The following PRKCA variants were observed in gnomAD, a reference collection of about 807,000 sequenced individuals.
PRKCA encodes protein kinase C alpha.
A neutral mutation model predicts 87.0 loss-of-function variants in PRKCA; 27 were observed. That is an observed-to-expected ratio of 0.31 (90% CI 0.23 to 0.43). PRKCA has a LOEUF of 0.43. Ranked by LOEUF, PRKCA falls within the 20% of genes least tolerant of loss-of-function variation. The probability of loss-of-function intolerance (pLI) is 1.00; values close to 1 mark genes in which losing one functional copy is unlikely to be tolerated. For missense variants in PRKCA, 518 were observed against 852.3 expected (o/e 0.61, Z 4.88); for synonymous variants, 329 against 311.1 (o/e 1.06, Z -0.61).
intron 2 of PRKCA, among the ~76,000 whole-genome samples, chr17:66,491,634 AC>A (rs530928227): frequency 3.9e-5 from 6 of 152,306 alleles, no homozygotes; most frequent in Admixed American, 2.6e-4. Flanking sequence ...AAGACAAAAA[AC>A]AATAGCTCCT....
chr17:66,546,026 C>T (rs1382772912), intron 3 of PRKCA, among the ~76,000 whole-genome samples: 1 of 152,152 alleles, frequency 6.6e-6, no homozygotes, highest in Non-Finnish European at 1.5e-5. Flanking sequence ...TTTTACTTTT[C>T]ATATATCTGT....
chr17:66,655,155 A>C (rs1971701422), intron 5 of PRKCA, among the ~76,000 whole-genome samples: 1 of 152,230 alleles, frequency 6.6e-6, no homozygotes, highest in South Asian at 2.1e-4. Flanking sequence ...ACCAGAAGAA[A>C]GCCTGCACAT....
In PRKCA at chr17:66,345,215, G is replaced by A. The variant is rs557173952; in HGVS notation, c.205+39088G>A. 1.2e-3 allele frequency among the ~76,000 whole-genome samples: 177 copies of A among 152,164 alleles called. 6 individuals carry two copies. The South Asian group carries it at 0.035, about 30-fold the overall frequency. The stretch of plus-strand genomic sequence containing the variant: ...AGAATTGTTATCAATTCACACATTT[G>A]AGATTTATATGTTACCACCATTACT... On this transcript the variant is annotated intron_variant, in intron 2 of 16. Coordinates refer to ENST00000413366, the MANE Select transcript of PRKCA (RefSeq NM_002737.3).
intron 8 of PRKCA, among the ~76,000 whole-genome samples, chr17:66,731,952 G>C (rs543958738): frequency 1.3e-5 from 2 of 150,830 alleles, no homozygotes; most frequent in African/African-American, 4.9e-5. Context: ...ACCATGCCCA[G>C]CTGATTTTTG....
chr17:66,751,516 A>T (rs1453312926), intron 13 of PRKCA, among the ~76,000 whole-genome samples: 1 of 152,208 alleles, frequency 6.6e-6, no homozygotes, highest in Non-Finnish European at 1.5e-5. Flanking sequence ...AAAATCTTTT[A>T]ATCCAGCTAA....
intron 2 of PRKCA, among the ~76,000 whole-genome samples, chr17:66,426,112 T>A (rs1277840144): frequency 3.3e-5 from 5 of 152,120 alleles, no homozygotes; most frequent in Admixed American, 1.3e-4. Flanking sequence ...AGTGTCATTA[T>A]TTGCAGGAAC....
At chr17:66,377,560 A>G (rs2093260971) in intron 2 of PRKCA, among the ~76,000 whole-genome samples, 1 of 147,390 alleles carries the variant, frequency 6.8e-6, no homozygotes, top group Non-Finnish European at 1.5e-5. Context: ...TAATGCCTAT[A>G]TTACATATAT....
chr17:66,303,258 C>T (rs1386745839), intron 1 of PRKCA, among the ~76,000 whole-genome samples: 1 of 152,130 alleles, frequency 6.6e-6, no homozygotes, highest in Non-Finnish European at 1.5e-5. Flanking sequence ...GGAGGCTGGC[C>T]CCGTACGGTG....
chr17:66,385,413 A>T (rs547568134), intron 2 of PRKCA, among the ~76,000 whole-genome samples: 13 of 152,198 alleles, frequency 8.5e-5, no homozygotes, highest in Non-Finnish European at 1.5e-4. Flanking sequence ...TCATCCACAC[A>T]TAGATGTGGG....
At chr17:66,470,209 T>C (rs1915261433) in intron 2 of PRKCA, among the ~76,000 whole-genome samples, 1 of 145,254 alleles carries the variant, frequency 6.9e-6, no homozygotes, top group Admixed American at 6.8e-5. Context: ...TTTTTTTTTT[T>C]TTTAAAAGAC....
At chr17:66,692,493 C>T (rs1026306360) in intron 8 of PRKCA, among the ~76,000 whole-genome samples, 4 of 152,162 alleles carry the variant, frequency 2.6e-5, no homozygotes, top group Non-Finnish European at 5.9e-5. Flanking sequence ...AAGACTTCCC[C>T]AGTGCCAAGT....
At chr17:66,438,099 G>A (rs1394151742) in intron 2 of PRKCA, among the ~76,000 whole-genome samples, 1 of 152,088 alleles carries the variant, frequency 6.6e-6, no homozygotes, top group Non-Finnish European at 1.5e-5. Context: ...CAGGGCTCAG[G>A]CAGCAGAAGA....
chr17:66,469,770 G>A (rs142720919), intron 2 of PRKCA, among the ~76,000 whole-genome samples: 97 of 152,258 alleles, frequency 6.4e-4, no homozygotes, highest in African/African-American at 2.3e-3. Context: ...CAATCAATTG[G>A]GTTAAGTCTC....
intron 3 of PRKCA, among the ~76,000 whole-genome samples, chr17:66,512,488 G>GTGTGT (rs1491168828): frequency 5.2e-5 from 2 of 38,312 alleles, no homozygotes; most frequent in Non-Finnish European, 9.5e-5. Flanking sequence ...GTGTGTGTGT[G>GTGTGT]TGTATTTCTT....
rs1240102753 is a variant in PRKCA at position 66,581,571 on chromosome 17, G to T, written c.289-59784G>T. 2.0e-5 allele frequency among the ~76,000 whole-genome samples: 3 copies of T among 152,254 alleles called. No individual in the cohort carries two copies. In the South Asian group the frequency reaches 6.2e-4, roughly 32 times the overall value. On this transcript the variant is annotated intron_variant, in intron 3 of 16. Coordinates refer to ENST00000413366, the MANE Select transcript of PRKCA (RefSeq NM_002737.3). Reference sequence around the variant, plus strand: ...GCTCACTGCACCCTCTGCCTCCTGGGTTCATGCCATTCTCCTGCCTCAGCC... The same window carrying T: ...GCTCACTGCACCCTCTGCCTCCTGGTTTCATGCCATTCTCCTGCCTCAGCC...
chr17:66,578,452 C>T (rs941566731), intron 3 of PRKCA, among the ~76,000 whole-genome samples: 3 of 152,160 alleles, frequency 2.0e-5, no homozygotes, highest in African/African-American at 7.2e-5. Flanking sequence ...CTGAAAATTA[C>T]AATGGTTCAA....
intron 4 of PRKCA, among the ~76,000 whole-genome samples, chr17:66,644,758 A>G (rs1971406606): frequency 6.6e-6 from 1 of 152,190 alleles, no homozygotes; most frequent in African/African-American, 2.4e-5. Context: ...TGAATTTTCT[A>G]TACTCAATCC....
chr17:66,716,714 A>G (rs16960110), intron 8 of PRKCA, among the ~76,000 whole-genome samples: 24,370 of 152,128 alleles, frequency 0.16, 2,080 homozygotes, highest in East Asian at 0.27. Flanking sequence ...CCGGGATACT[A>G]GAGGTGAATA....
At chr17:66,464,602 G>A (rs1025310352) in intron 2 of PRKCA, among the ~76,000 whole-genome samples, 10 of 152,128 alleles carry the variant, frequency 6.6e-5, no homozygotes, top group African/African-American at 9.7e-5. Context: ...GCTTTAATTT[G>A]CAGATCCCTA....
Sources: allele counts gnomAD v4.1 joint callset (sites outside exome capture counted in the v4.1 genomes callset), GRCh38; gene constraint gnomAD v4.1.1; transcripts MANE v1.5; gene names NCBI Gene and HGNC (gene_info 2026-07-23, HGNC 2026-07-21).